The following VWF variants were observed in gnomAD, a reference collection of about 807,000 sequenced individuals.
VWF encodes Factor VIII related antigen.
A neutral mutation model predicts 308.6 loss-of-function variants in VWF; 176 were observed. That is an observed-to-expected ratio of 0.57 (90% confidence interval 0.50 to 0.65). The LOEUF (loss-of-function observed/expected upper bound fraction) is 0.65. VWF is among the 30% of genes least tolerant of loss of function. The pLI is 0.00. For missense variants in VWF, 3,146 were observed against 3,648.2 expected, an observed-to-expected ratio of 0.86 and a Z score of 3.55; for synonymous variants, 1,385 against 1,443.4, an observed-to-expected ratio of 0.96 and a Z score of 0.92.
chr12:6,110,697 T>A, intron 4 of VWF, 115 bp from the exon 5 acceptor site: 1 of 1,352,578 alleles, frequency 7.4e-7, no homozygotes, highest in Non-Finnish European at 1.1e-6. Context: ...GCAAAGTGGC[T>A]GAGGACCTAG....
At chr12:5,982,316 A>G (rs1324058998) in intron 41 of VWF, among the ~76,000 whole-genome samples, 1 of 152,108 alleles carries the variant, frequency 6.6e-6, no homozygotes. Flanking sequence ...CAGATGTAGA[A>G]TCTCTAAGTC....
At chr12:6,056,768 G>A (rs936264781) in intron 15 of VWF, 89 bp downstream of exon 15, 16 of 1,174,738 alleles carry the variant, frequency 1.4e-5, no homozygotes, top group Admixed American at 4.2e-5. Flanking sequence ...TCTTTCCACA[G>A]GAAACAACGC....
chr12:6,105,759 G>A (rs551856332), intron 5 of VWF, among the ~76,000 whole-genome samples: 13 of 152,102 alleles, frequency 8.5e-5, no homozygotes, highest in South Asian at 4.2e-4. Context: ...GAATTGAGCC[G>A]GACGCGGTGG....
chr12:5,985,516 G>A (rs1044754800), intron 39 of VWF, 47 bp downstream of exon 39: 1 of 1,585,358 alleles, frequency 6.3e-7, no homozygotes. Flanking sequence ...GGCCTTGCAG[G>A]GGCCCTTGTT....
chr12:6,097,342 CAGG>C (rs1945116121), intron 5 of VWF, among the ~76,000 whole-genome samples: 1 of 152,134 alleles, frequency 6.6e-6, no homozygotes, highest in Non-Finnish European at 1.5e-5. Flanking sequence ...GAGGCTGAGG[CAGG>C]AGAATTGCTT....
At chr12:5,987,014 G>T (rs1403590740) in intron 38 of VWF, among the ~76,000 whole-genome samples, 3 of 152,148 alleles carry the variant, frequency 2.0e-5, no homozygotes, top group Non-Finnish European at 4.4e-5. Context: ...TGCAACCTCT[G>T]CCTCCCGAGT....
intron 43 of VWF, among the ~76,000 whole-genome samples, chr12:5,975,830 C>T (rs1252370531): frequency 6.6e-6 from 1 of 152,134 alleles, no homozygotes; most frequent in Non-Finnish European, 1.5e-5. Context: ...CGCAGAAATC[C>T]TTTGCTCATG....
chr12:5,992,112 T>C, intron 37 of VWF, 94 bp from the exon 38 acceptor site: 1 of 1,251,108 alleles, frequency 8.0e-7, no homozygotes, highest in Non-Finnish European at 1.1e-6. Context: ...TCAGACAAAC[T>C]TGCCAGGGCA....
intron 18 of VWF, among the ~76,000 whole-genome samples, chr12:6,038,525 C>CAATGCGTT (rs1944361926): frequency 1.3e-4 from 1 of 7,890 alleles, no homozygotes; most frequent in African/African-American, 6.5e-4. Flanking sequence ...GGACAACCCA[C>CAATGCGTT]CATGCCTCCT....
chr12:6,087,884 CACTCTACGGT>C (rs1256987611), intron 6 of VWF, among the ~76,000 whole-genome samples: 1 of 152,100 alleles, frequency 6.6e-6, no homozygotes, highest in Non-Finnish European at 1.5e-5. Context: ...AATGATTCAC[CACTCTACGGT>C]AGGTAGAGTG....
At position 6,063,537 on chromosome 12, in the gene VWF, G is replaced by C. The variant is rs1298300741; in HGVS notation, c.1433-483C>G. ...TAGGAGCACACCCCTTGCCCTGGGG[G>C]AACAAACATATCTTATAAGGAGACA... is the stretch of plus-strand genomic sequence containing the variant. On this transcript the variant is annotated intron_variant, in intron 12 of 51. Transcript: ENST00000261405. The surrounding 1 kb of genome is among the most constrained non-coding windows in gnomAD (Gnocchi z 4.9). 6.6e-6 allele frequency among the ~76,000 whole-genome samples: 1 copy of C among 152,226 alleles called. No individual in the cohort carries two copies. The highest frequency in any genetic ancestry group is 1.5e-5 in the Non-Finnish European group (1 of 68,012).
In VWF at chr12:5,968,114, G is replaced by T. The variant is rs368470281; in HGVS notation, c.7770+13C>A. The T allele has an allele frequency of 9.0e-5, 146 of 1,613,944 alleles. No individual in the cohort carries two copies. The highest frequency in any genetic ancestry group is 1.1e-4 in the Non-Finnish European group (130 of 1,180,012). On this transcript the variant is annotated intron_variant, in intron 46 of 51. Coordinates refer to ENST00000261405, the MANE Select transcript of VWF (RefSeq NM_000552.5). ...CCCCACCACTTGCTCTGGAGAAGAGGACAGCGGCTCACCCCAATGACAGTG... is the reference window on the plus strand; with the variant it reads ...CCCCACCACTTGCTCTGGAGAAGAGTACAGCGGCTCACCCCAATGACAGTG...
rs1944650907 is a variant in VWF at position 6,061,192 on chromosome 12, CCCTCTCTCAAAA to C, written c.1533+1750_1533+1761del. Among the ~76,000 whole-genome samples the C allele has an allele frequency of 2.0e-5, 3 of 152,036 alleles. No homozygotes were observed. In the South Asian group the frequency reaches 6.2e-4, roughly 32 times the overall value. On this transcript the variant is annotated intron_variant, in intron 13 of 51. Transcript: ENST00000261405. ...CTCCAGCCTGGGCAACAGAGTGAGA[CCCTCTCTCAAAA>C]AACAAAACAAACAAAAAGAAAGTGA... is the stretch of plus-strand genomic sequence containing the variant.
rs1385585039 is a variant in VWF at position 6,024,599 on chromosome 12, A to G, written c.3223-812T>C. ...CATGTTTTCAACCAGTCTCTCCCAC[A>G]TTGGTGGTGTTACACAGCAGCATGT... On this transcript the variant is annotated intron_variant, in intron 24 of 51. Transcript: ENST00000261405. The surrounding 1 kb of genome is among the most constrained non-coding windows in gnomAD (Gnocchi z 4.0). Among the ~76,000 whole-genome samples the G allele has an allele frequency of 6.6e-6, 1 of 152,184 alleles. No individual in the cohort carries two copies. Among genetic ancestry groups the G allele is most frequent in the Non-Finnish European group, 1.5e-5 (1 of 68,030 alleles).
chr12:6,088,238 G>A (rs913667535), intron 6 of VWF, among the ~76,000 whole-genome samples: 3 of 151,628 alleles, frequency 2.0e-5, no homozygotes, highest in Admixed American at 6.6e-5. Context: ...CAACACTTTC[G>A]GAGGCCGAGG....
chr12:5,974,949 G>T (rs1426521868), intron 43 of VWF, among the ~76,000 whole-genome samples: 2 of 152,138 alleles, frequency 1.3e-5, no homozygotes, highest in African/African-American at 4.8e-5. Flanking sequence ...AAATATATTG[G>T]TTGTCAATTT....
At chr12:6,047,453 C>T (rs192654444) in intron 16 of VWF, among the ~76,000 whole-genome samples, 38 of 152,314 alleles carry the variant, frequency 2.5e-4, no homozygotes, top group South Asian at 4.1e-4. Flanking sequence ...CATCTGGCTT[C>T]GCAACCAGAA....
chr12:6,123,038 TG>T, intron 2 of VWF, 103 bp downstream of exon 2: 1 of 1,452,610 alleles, frequency 6.9e-7, no homozygotes, highest in Non-Finnish European at 9.7e-7. Flanking sequence ...AAGTTAGGGC[TG>T]GGCACACAGG....
At chr12:6,036,144 C>T (rs1298408274) in intron 19 of VWF, among the ~76,000 whole-genome samples, 1 of 152,208 alleles carries the variant, frequency 6.6e-6, no homozygotes, top group Non-Finnish European at 1.5e-5. Context: ...GTTGTGGTCC[C>T]AAGCATTTCG....
Sources: allele counts gnomAD v4.1 joint callset (sites outside exome capture counted in the v4.1 genomes callset), GRCh38; gene constraint gnomAD v4.1.1; non-coding constraint Gnocchi (gnomAD v3.1); transcripts MANE v1.5; gene names NCBI Gene and HGNC (gene_info 2026-07-23, HGNC 2026-07-21).